Variants in KRT83 observed in about 807,000 individuals in gnomAD.
KRT83 encodes the protein keratin, type II cuticular Hb3.
Under a neutral mutation model 52.9 loss-of-function variants are expected in KRT83, and 51 were observed. The ratio of observed to expected loss-of-function variants is 0.96; its 90% confidence interval spans 0.77 to 1.22. The LOEUF (loss-of-function observed/expected upper bound fraction) is 1.22. Among genes scored for constraint, KRT83 ranks in the 50% most tolerant of loss-of-function variants. The pLI is 0.00. For synonymous variants in KRT83, 278 were observed against 274.1 expected (o/e 1.01, Z -0.14); for missense variants, 654 against 666.5 (o/e 0.98, Z 0.21).
chr12:52,315,408 G>T (rs760032840), intron 7 of KRT83, 65 bp from the exon 8 acceptor site: 9 of 1,508,612 alleles, frequency 6.0e-6, no homozygotes, highest in Non-Finnish European at 8.3e-6. Flanking sequence ...TCGAATTTCC[G>T]CTAGGTGCTG....
intron 4 of KRT83, among the ~76,000 whole-genome samples, chr12:52,317,388 G>A (rs1938703709): frequency 6.6e-6 from 1 of 152,214 alleles, no homozygotes; most frequent in African/African-American, 2.4e-5. Flanking sequence ...TCTGTTTGAT[G>A]CTGTGTGGGG....
intron 2 of KRT83, 66 bp from the exon 3 acceptor site, chr12:52,318,036 G>A: frequency 7.0e-7 from 1 of 1,430,902 alleles, no homozygotes; most frequent in Admixed American, 1.7e-5. Context: ...GAGCATATAT[G>A]CAAAGGAGTC....
chr12:52,316,594 C>T lies in KRT83; in HGVS notation c.916-1G>A. On this transcript the variant is annotated splice_acceptor_variant, in intron 5 of 8. Coordinates refer to ENST00000293670, the MANE Select transcript of KRT83 (RefSeq NM_002282.3). LOFTEE classifies it high-confidence loss of function. ...TCACTGTGGCCTTCATCTCCTCACA[C>T]TGCAGGAAGCAGAGATGTTCATGAG... 6.2e-7 allele frequency: 1 copy of T among 1,614,192 alleles called. No individual in the cohort carries two copies. The highest frequency in any genetic ancestry group is 8.5e-7 in the Non-Finnish European group (1 of 1,180,046).
chr12:52,318,268 C>G (rs1483147159), intron 2 of KRT83, among the ~76,000 whole-genome samples: 1 of 152,050 alleles, frequency 6.6e-6, no homozygotes, highest in Non-Finnish European at 1.5e-5. Context: ...CTCCGCCTCC[C>G]AGGTTCATGC....
chr12:52,320,682 C>T (rs557527961), intron 1 of KRT83, among the ~76,000 whole-genome samples: 1 of 152,316 alleles, frequency 6.6e-6, no homozygotes, highest in Admixed American at 6.5e-5. Context: ...CACAGTGGTC[C>T]TTTGCTCACT....
chr12:52,318,759 C>T (rs531713841), intron 2 of KRT83, among the ~76,000 whole-genome samples: 5 of 152,310 alleles, frequency 3.3e-5, no homozygotes, highest in East Asian at 3.9e-4. Flanking sequence ...CACAAGAACC[C>T]GCACTGTGTG....
chr12:52,314,481 TG>T lies in KRT83; in HGVS notation c.*149del. 1.3e-6 allele frequency: 1 copy of T among 751,360 alleles called. No individual in the cohort carries two copies. 46.5% of individuals were successfully genotyped at this position (751,360 alleles called of 1,614,324 possible). A position where few individuals can be genotyped will look rare whatever the true frequency, so the allele number is the denominator to read the frequency against. ...GGCCCCTTTCCAGTGGGATGAAAGG[TG>T]GGGAGGAGCCGCTGGTGGGAATGAG... On this transcript the variant is annotated 3_prime_UTR_variant, in exon 9 of 9. Transcript: ENST00000293670.
rs536772549 is a variant in KRT83 at position 52,317,108 on chromosome 12, G to A, written c.751-85C>T. ...ATGCCTATCATCCTTTTGGCTCATC[G>A]GGAGTGAACTTCTCATGTTTAGAGA... On this transcript the variant is annotated intron_variant, in intron 4 of 8. Coordinates refer to ENST00000293670, the MANE Select transcript of KRT83 (RefSeq NM_002282.3). 49 of 1,558,538 alleles carry A rather than the reference G, an allele frequency of 3.1e-5. No homozygotes were observed. The Admixed American group carries it at 5.0e-4, about 16-fold the overall frequency.
chr12:52,317,794 G>A lies in KRT83; in HGVS notation c.655-18C>T. The A allele has an allele frequency of 6.2e-7, 1 of 1,613,644 alleles. No individual in the cohort carries two copies. The highest frequency in any genetic ancestry group is 1.1e-5 in the South Asian group (1 of 91,050). On this transcript the variant is annotated intron_variant, in intron 3 of 8. Transcript: ENST00000293670. The stretch of plus-strand genomic sequence containing the variant: ...TCCACATCCTGGGTGGGGTAGAAGG[G>A]GCTGTGAGGCCGGCTTTCCTCAGAG...
rs1007188372 is a variant in KRT83 at position 52,315,028 on chromosome 12, G to C, written c.1295-210C>G. On this transcript the variant is annotated intron_variant, in intron 8 of 8. Coordinates refer to ENST00000293670, the MANE Select transcript of KRT83 (RefSeq NM_002282.3). Reference sequence around the variant, plus strand: ...TGTGACTTTGGGAGTCCTTTCCTCTGTCTGGGCCTCAGCTTTCTCACCTAT... The same window carrying C: ...TGTGACTTTGGGAGTCCTTTCCTCTCTCTGGGCCTCAGCTTTCTCACCTAT... 3.3e-5 allele frequency among the ~76,000 whole-genome samples: 5 copies of C among 152,208 alleles called. No homozygotes were observed. In the East Asian group the frequency reaches 5.8e-4, roughly 18 times the overall value.
At position 52,316,093 on chromosome 12, in the gene KRT83, C is replaced by T. The variant is rs765209287; in HGVS notation, c.1062G>A (p.Ala354=). The change falls in exon 7 of 9, where the codon GCG becomes GCA. Residue 354 remains alanine (A), a synonymous_variant. Coordinates refer to ENST00000293670, the MANE Select transcript of KRT83 (RefSeq NM_002282.3). The stretch of plus-strand genomic sequence containing the variant: ...CACCCTGCTGCTCAGACTGGGCCAC[C>T]GCAGCTTCCAGCTTGGAGTTCTGGG... ...AKCQNSKLEA[A]VAQSEQQGEA... 12 of 1,613,498 alleles carry T rather than the reference C, an allele frequency of 7.4e-6. No individual in the cohort carries two copies. The highest frequency in any genetic ancestry group is 4.4e-5 in the South Asian group (4 of 91,042).
Position 52,316,536 on chromosome 12 carries a change from C to G in KRT83, c.973G>C (p.Glu325Gln), listed in dbSNP as rs777009664. Residue 325 changes from glutamate (E) to glutamine (Q), a missense_variant, in exon 6 of 9, where the codon GAG (glutamate) becomes CAG (glutamine). Transcript: ENST00000293670. ...ATGCGGTTCAGCTCGTTGATCTCCT[C>G]CTTGGTGCGGCGCAGGGTCTCCCCG... ...RHGETLRRTKEEINELNRMIQ... is the reference protein window; with the variant it reads ...RHGETLRRTKQEINELNRMIQ... 6.2e-7 allele frequency: 1 copy of G among 1,614,194 alleles called. No individual in the cohort carries two copies. The highest frequency in any genetic ancestry group is 2.2e-5 in the East Asian group (1 of 44,874).
intron 3 of KRT83, 29 bp downstream of exon 3, chr12:52,317,881 G>T: frequency 6.2e-7 from 1 of 1,613,210 alleles, no homozygotes; most frequent in South Asian, 1.1e-5. Flanking sequence ...GACTCAGGGC[G>T]GGCTCAGGGC....
At position 52,314,465 on chromosome 12, in the gene KRT83, C is replaced by G; in HGVS notation, c.*166G>C. ...CTATTCCCCAGCCACAGGCCCCTTT[C>G]CAGTGGGATGAAAGGTGGGGAGGAG... On this transcript the variant is annotated 3_prime_UTR_variant, in exon 9 of 9. Transcript: ENST00000293670. 1 of 710,024 alleles carries G rather than the reference C, an allele frequency of 1.4e-6. No homozygotes were observed. Among genetic ancestry groups the G allele is most frequent in the Non-Finnish European group, 2.5e-6 (1 of 400,336 alleles). The allele number at this position is 710,024 out of a possible 1,614,324, so 44.0% of individuals were successfully genotyped here.
At chr12:52,318,245 G>C (rs1340541846) in intron 2 of KRT83, among the ~76,000 whole-genome samples, 2 of 151,782 alleles carry the variant, frequency 1.3e-5, no homozygotes, top group Non-Finnish European at 2.9e-5. Flanking sequence ...GCGCGGTCTC[G>C]GCTCACTGCA....
At chr12:52,318,821 G>C (rs1394661518) in intron 2 of KRT83, among the ~76,000 whole-genome samples, 1 of 152,216 alleles carries the variant, frequency 6.6e-6, no homozygotes, top group East Asian at 1.9e-4. Flanking sequence ...GCATGTGGTA[G>C]GTGATCAGAT....
intron 1 of KRT83, among the ~76,000 whole-genome samples, chr12:52,320,726 C>T (rs1422927959): frequency 1.3e-5 from 2 of 152,230 alleles, no homozygotes; most frequent in Non-Finnish European, 2.9e-5. Flanking sequence ...GAAGGCTCTG[C>T]CCCTCGTTCT....
At chr12:52,315,448 C>T in intron 7 of KRT83, 105 bp from the exon 8 acceptor site, 2 of 1,169,252 alleles carry the variant, frequency 1.7e-6, no homozygotes, top group Non-Finnish European at 1.3e-6. Flanking sequence ...TATTTCTGAC[C>T]TACATTTATT....
rs1427065959 is a variant in KRT83 at position 52,314,735 on chromosome 12, C to G, written c.1378G>C (p.Ala460Pro). Reference sequence around the variant, plus strand: ...ACCACCAGGTTCCCGTTGCAGGGGGCACTGCAGACGCTGCCCGTCACCGGC... The same window carrying G: ...ACCACCAGGTTCCCGTTGCAGGGGGGACTGCAGACGCTGCCCGTCACCGGC... ...SRPVTGSVCS[A>P]PCNGNLVVST... The change falls in exon 9 of 9, where the codon GCC (alanine) becomes CCC (proline). Residue 460 changes from alanine to proline, a missense_variant. Ala to Pro is a conservative substitution (Grantham distance 27). Coordinates refer to ENST00000293670, the MANE Select transcript of KRT83 (RefSeq NM_002282.3). 9.4e-6 allele frequency: 15 copies of G among 1,594,574 alleles called. No individual in the cohort carries two copies. The East Asian group carries it at 2.3e-4, about 24-fold the overall frequency.
Sources: gnomAD v4.1 joint callset for allele counts (sites outside exome capture counted in the v4.1 genomes callset) on GRCh38, gnomAD v4.1.1 for gene constraint, MANE v1.5 for transcripts, NCBI Gene and HGNC (gene_info 2026-07-23, HGNC 2026-07-21) for gene names.